The following SGCZ variants were observed in gnomAD, a reference collection of about 807,000 sequenced individuals.
The protein encoded by SGCZ is sarcoglycan zeta, also known as zeta-sarcoglycan.
Under a neutral mutation model 41.3 loss-of-function variants are expected in SGCZ, and 40 were observed. The ratio of observed to expected loss-of-function variants is 0.97; its 90% CI spans 0.75 to 1.26. The LOEUF (loss-of-function observed/expected upper bound fraction) is 1.26. Among genes scored for constraint, SGCZ ranks in the 50% most tolerant of loss-of-function variants. SGCZ has a pLI of 0.00. For synonymous variants in SGCZ, 206 were observed against 137.5 expected (o/e 1.50, Z -3.49); for missense variants, 552 against 369.8 (o/e 1.49, Z -4.04).
At chr8:14,656,946 T>G (rs1387092194) in intron 1 of SGCZ, among the ~76,000 whole-genome samples, 2 of 151,934 alleles carry the variant, frequency 1.3e-5, no homozygotes, top group Admixed American at 1.3e-4. Flanking sequence ...AAAAATGAAC[T>G]AAATCAATCG....
intron 1 of SGCZ, among the ~76,000 whole-genome samples, chr8:14,901,362 T>A (rs190981946): frequency 5.3e-5 from 8 of 152,178 alleles, no homozygotes; most frequent in South Asian, 4.2e-4. Flanking sequence ...ATCTAATGAG[T>A]CACCACACAC....
At chr8:14,950,931 T>G (rs2130835566) in intron 1 of SGCZ, among the ~76,000 whole-genome samples, 1 of 152,146 alleles carries the variant, frequency 6.6e-6, no homozygotes, top group Middle Eastern at 3.4e-3. Flanking sequence ...ATGAATACTC[T>G]AGGCTAAAAT....
intron 1 of SGCZ, among the ~76,000 whole-genome samples, chr8:14,976,166 C>T (rs1038700036): frequency 1.3e-5 from 2 of 151,662 alleles, no homozygotes; most frequent in South Asian, 4.2e-4. Context: ...GGGATACAGG[C>T]GCTCACCACC....
chr8:14,479,407 A>C (rs73188289), intron 2 of SGCZ, among the ~76,000 whole-genome samples: 1 of 152,124 alleles, frequency 6.6e-6, no homozygotes, highest in Admixed American at 6.5e-5. Context: ...AGCTGATTAG[A>C]TGGTGCTCAC....
chr8:14,479,787 A>G (rs73188292), intron 2 of SGCZ, among the ~76,000 whole-genome samples: 1 of 130,902 alleles, frequency 7.6e-6, no homozygotes, highest in Non-Finnish European at 1.5e-5. Context: ...TAGCTCTTGC[A>G]GTGCTTGGAG....
At chr8:14,611,924 A>G (rs999945417) in intron 1 of SGCZ, among the ~76,000 whole-genome samples, 8 of 152,228 alleles carry the variant, frequency 5.3e-5, no homozygotes, top group Non-Finnish European at 1.0e-4. Context: ...TGTGTAAAAT[A>G]CAGGTAAATA....
chr8:14,161,147 T>A (rs2116976358), intron 5 of SGCZ: 1 of 152,332 alleles, frequency 6.6e-6, no homozygotes, highest in Non-Finnish European at 1.5e-5. Context: ...ATTTGTCAAA[T>A]GATTCAAGCA....
intron 2 of SGCZ, among the ~76,000 whole-genome samples, chr8:14,462,871 A>AT (rs34744100): frequency 2.8e-4 from 42 of 150,598 alleles, no homozygotes; most frequent in African/African-American, 6.3e-4. Flanking sequence ...TCTTTTAAGA[A>AT]TTTTTTTTTG....
intron 1 of SGCZ, among the ~76,000 whole-genome samples, chr8:14,811,973 C>G (rs919164662): frequency 2.6e-5 from 4 of 151,584 alleles, no homozygotes; most frequent in African/African-American, 9.7e-5. Context: ...TCATCTGTAC[C>G]CTGAGAATGA....
intron 2 of SGCZ, among the ~76,000 whole-genome samples, chr8:14,416,502 A>G (rs554624452): frequency 2.0e-5 from 3 of 152,024 alleles, no homozygotes; most frequent in African/African-American, 7.2e-5. Context: ...TCTGTATACA[A>G]TTAGCAGAGT....
chr8:14,128,963 C>A (rs1802949259), intron 5 of SGCZ, among the ~76,000 whole-genome samples: 1 of 152,072 alleles, frequency 6.6e-6, no homozygotes, highest in Non-Finnish European at 1.5e-5. Context: ...GGGATGAAAT[C>A]CTACCTATTT....
At chr8:14,624,072 T>C (rs993600470) in intron 1 of SGCZ, among the ~76,000 whole-genome samples, 1 of 152,216 alleles carries the variant, frequency 6.6e-6, no homozygotes, top group African/African-American at 2.4e-5. Flanking sequence ...ATCTATTTAA[T>C]AAACATTTAC....
At chr8:14,691,453 T>A (rs1808795193) in intron 1 of SGCZ, among the ~76,000 whole-genome samples, 2 of 152,096 alleles carry the variant, frequency 1.3e-5, no homozygotes, top group South Asian at 2.1e-4. Flanking sequence ...CTAGCGTGGG[T>A]ATTTGGAAGG....
At chr8:14,499,784 G>A (rs1389766160) in intron 2 of SGCZ, among the ~76,000 whole-genome samples, 1 of 144,162 alleles carries the variant, frequency 6.9e-6, no homozygotes. Context: ...TATATCAACT[G>A]CCTTCCTTTG....
intron 4 of SGCZ, among the ~76,000 whole-genome samples, chr8:14,235,155 T>C (rs1485851478): frequency 6.6e-6 from 1 of 152,190 alleles, no homozygotes; most frequent in African/African-American, 2.4e-5. Context: ...AGATTAACTA[T>C]TTCATTGGCA....
intron 2 of SGCZ, among the ~76,000 whole-genome samples, chr8:14,395,648 C>A (rs74836470): frequency 0.038 from 5,850 of 152,184 alleles, 348 homozygotes; most frequent in African/African-American, 0.13. Flanking sequence ...CAAAAAGTTA[C>A]CCTGGGAATC....
rs149127361 is a variant in SGCZ at position 14,909,219 on chromosome 8, G to C, written c.39+328366C>G. Among the ~76,000 whole-genome samples the C allele has an allele frequency of 2.5e-3, 374 of 152,274 alleles. 3 individuals are homozygous for C. Among genetic ancestry groups the C allele is most frequent in the African/African-American group, 8.7e-3 (363 of 41,572 alleles). ...GCAGAGACCAAATTAAAGGAGGCTT[G>C]TTACATGCATTCACCTGTCCTCAAA... On this transcript the variant is annotated intron_variant, in intron 1 of 7. Transcript: ENST00000382080.
chr8:14,397,191 A>T (rs1798943658), intron 2 of SGCZ, among the ~76,000 whole-genome samples: 1 of 152,076 alleles, frequency 6.6e-6, no homozygotes, highest in African/African-American at 2.4e-5. Flanking sequence ...AGAGATGTTT[A>T]TTCCTTATTC....
chr8:14,106,169 G>A (rs1400963926), intron 6 of SGCZ, among the ~76,000 whole-genome samples: 1 of 152,164 alleles, frequency 6.6e-6, no homozygotes, highest in East Asian at 1.9e-4. Flanking sequence ...CTAGGATGTG[G>A]TAAGATAACA....
Sources: gnomAD v4.1 joint callset for allele counts (sites outside exome capture counted in the v4.1 genomes callset) on GRCh38, gnomAD v4.1.1 for gene constraint, MANE v1.5 for transcripts, NCBI Gene and HGNC (gene_info 2026-07-23, HGNC 2026-07-21) for gene names.